Variants in NR3C2 observed in about 807,000 individuals in gnomAD.
NR3C2 encodes the protein nuclear receptor subfamily 3 group C member 2, also known as mineralocorticoid receptor.
Under a neutral mutation model 86.4 loss-of-function variants are expected in NR3C2, and 15 were observed. That is an observed-to-expected ratio of 0.17 (90% confidence interval 0.12 to 0.27). NR3C2 has a LOEUF of 0.27. Among genes scored for constraint, NR3C2 ranks in the 10% least tolerant of loss-of-function variants. The pLI is 1.00. For synonymous variants in NR3C2, 458 were observed against 450.5 expected (o/e 1.02, Z -0.21); for missense variants, 960 against 1,195.6 (o/e 0.80, Z 2.91).
chr4:148,149,597 C>T (rs1445765252), intron 6 of NR3C2, among the ~76,000 whole-genome samples: 1 of 152,140 alleles, frequency 6.6e-6, no homozygotes, highest in Non-Finnish European at 1.5e-5. Context: ...TTAAAGGACA[C>T]TTTCAATAGA....
chr4:148,387,853 A>G (rs982305221), intron 2 of NR3C2, among the ~76,000 whole-genome samples: 1 of 152,208 alleles, frequency 6.6e-6, no homozygotes, highest in Non-Finnish European at 1.5e-5. Context: ...GAATGTCTTA[A>G]TTATGAAATG....
intron 2 of NR3C2, among the ~76,000 whole-genome samples, chr4:148,338,915 C>T (rs1449117724): frequency 6.6e-6 from 1 of 152,032 alleles, no homozygotes; most frequent in Non-Finnish European, 1.5e-5. Context: ...TAAGTGTTTC[C>T]AAACACCTAA....
intron 2 of NR3C2, among the ~76,000 whole-genome samples, chr4:148,385,595 A>G (rs1215348547): frequency 6.6e-6 from 1 of 152,210 alleles, no homozygotes; most frequent in Non-Finnish European, 1.5e-5. Flanking sequence ...ATATCTCCTT[A>G]GAATGAAATA....
chr4:148,366,419 T>TTTTAAAAAAGAATACTTTTAAAAAGTA (rs2126344667), intron 2 of NR3C2, among the ~76,000 whole-genome samples: 1 of 198 alleles, frequency 5.1e-3, no homozygotes, highest in African/African-American at 0.015. Context: ...CCAAATTCAC[T>TTTTAAAAAAGAATACTTTTAAAAAGTA]CCTTGAAAAA....
chr4:148,201,646 AC>A (rs149498218), intron 3 of NR3C2, among the ~76,000 whole-genome samples: 24,664 of 152,028 alleles, frequency 0.16, 2,476 homozygotes, highest in African/African-American at 0.28. Context: ...CTGCCTGCCA[AC>A]CCTGGCTGAT....
At chr4:148,233,156 A>G (rs1021260867) in intron 3 of NR3C2, among the ~76,000 whole-genome samples, 1 of 152,184 alleles carries the variant, frequency 6.6e-6, no homozygotes, top group Non-Finnish European at 1.5e-5. Flanking sequence ...TTCACTGAAT[A>G]GCACTTTTAA....
chr4:148,100,495 A>G (rs940404465), intron 8 of NR3C2, among the ~76,000 whole-genome samples: 6 of 152,240 alleles, frequency 3.9e-5, no homozygotes. Flanking sequence ...AATCAGGGAA[A>G]TGCAAATCAA....
chr4:148,087,321 C>T (rs1354935838), intron 8 of NR3C2, among the ~76,000 whole-genome samples: 2 of 152,116 alleles, frequency 1.3e-5, no homozygotes, highest in Non-Finnish European at 2.9e-5. Context: ...GCCGTACTGC[C>T]CAAAGTAATT....
At chr4:148,291,715 T>G (rs1268478288) in intron 2 of NR3C2, among the ~76,000 whole-genome samples, 2 of 152,124 alleles carry the variant, frequency 1.3e-5, no homozygotes, top group African/African-American at 2.4e-5. Context: ...ATTTCCATTC[T>G]CAACTTTACT....
chr4:148,420,810 T>C (rs1347709822), intron 2 of NR3C2, among the ~76,000 whole-genome samples: 4 of 152,144 alleles, frequency 2.6e-5, no homozygotes, highest in Non-Finnish European at 5.9e-5. Context: ...TATTCAAAAG[T>C]GTGTAGCAGC....
At chr4:148,400,177 T>A (rs1748071044) in intron 2 of NR3C2, among the ~76,000 whole-genome samples, 1 of 152,256 alleles carries the variant, frequency 6.6e-6, no homozygotes, top group Non-Finnish European at 1.5e-5. Flanking sequence ...CCAGGTCTAC[T>A]GTTTTCACAT....
intron 2 of NR3C2, among the ~76,000 whole-genome samples, chr4:148,408,098 T>C (rs939352814): frequency 6.6e-6 from 1 of 152,168 alleles, no homozygotes; most frequent in Non-Finnish European, 1.5e-5. Context: ...ACCCAACATG[T>C]GGCTGAATCA....
At chr4:148,092,529 T>C (rs1731103967) in intron 8 of NR3C2, among the ~76,000 whole-genome samples, 1 of 152,196 alleles carries the variant, frequency 6.6e-6, no homozygotes, top group Admixed American at 6.5e-5. Flanking sequence ...TTCTCTGACT[T>C]ATTCCAAGCT....
intron 2 of NR3C2, among the ~76,000 whole-genome samples, chr4:148,383,939 C>T (rs938504427): frequency 2.2e-5 from 3 of 136,200 alleles, no homozygotes; most frequent in Non-Finnish European, 3.1e-5. Flanking sequence ...CACAGCGAGA[C>T]TCTGTCTCAG....
chr4:148,232,560 C>T (rs937575142), intron 3 of NR3C2, among the ~76,000 whole-genome samples: 1 of 152,154 alleles, frequency 6.6e-6, no homozygotes, highest in Admixed American at 6.5e-5. Flanking sequence ...TAGCACAATT[C>T]GTAAGGGCCC....
intron 6 of NR3C2, among the ~76,000 whole-genome samples, chr4:148,142,417 G>A (rs1229683323): frequency 6.6e-6 from 1 of 152,136 alleles, no homozygotes; most frequent in African/African-American, 2.4e-5. Context: ...TCCCCTCTAA[G>A]TCTCATGTTA....
chr4:148,186,586 A>G (rs1735904430), intron 4 of NR3C2, among the ~76,000 whole-genome samples: 1 of 152,154 alleles, frequency 6.6e-6, no homozygotes, highest in Non-Finnish European at 1.5e-5. Context: ...GGTCTCTCAT[A>G]TAAAATGGCA....
At chr4:148,358,083 A>C (rs1172227864) in intron 2 of NR3C2, among the ~76,000 whole-genome samples, 1 of 152,180 alleles carries the variant, frequency 6.6e-6, no homozygotes, top group Non-Finnish European at 1.5e-5. Flanking sequence ...GGGATCTAGA[A>C]CTAGAAATAC....
chr4:148,210,609 G>GA (rs1257764690), intron 3 of NR3C2, among the ~76,000 whole-genome samples: 1 of 152,078 alleles, frequency 6.6e-6, no homozygotes, highest in African/African-American at 2.4e-5. Flanking sequence ...TCCCAAAGGG[G>GA]AAAAAAACCT....
Sources: gnomAD v4.1 joint callset for allele counts (sites outside exome capture counted in the v4.1 genomes callset) on GRCh38, gnomAD v4.1.1 for gene constraint, MANE v1.5 for transcripts, NCBI Gene and HGNC (gene_info 2026-07-23, HGNC 2026-07-21) for gene names.